Variants in PHF21A observed in about 807,000 individuals in gnomAD.
The protein encoded by PHF21A is BHC80a.
A neutral mutation model predicts 82.5 loss-of-function variants in PHF21A; 11 were observed. That is an observed-to-expected ratio of 0.13 (90% CI 0.08 to 0.22). The LOEUF (loss-of-function observed/expected upper bound fraction) is 0.22, where lower values mean the gene tolerates loss of function less well. Ranked by LOEUF, PHF21A falls within the 10% of genes least tolerant of loss-of-function variation. PHF21A has a pLI of 1.00. For synonymous variants in PHF21A, 297 were observed against 302.8 expected (o/e 0.98, Z 0.20); for missense variants, 579 against 837.8 (o/e 0.69, Z 3.81).
chr11:45,998,875 T>G (rs561167338), intron 6 of PHF21A, among the ~76,000 whole-genome samples: 2 of 151,394 alleles, frequency 1.3e-5, no homozygotes, highest in African/African-American at 4.9e-5. Flanking sequence ...CAGGCTGGAG[T>G]GCAGTGGTGT....
intron 6 of PHF21A, among the ~76,000 whole-genome samples, chr11:46,037,014 A>G (rs2096018691): frequency 6.6e-6 from 1 of 152,048 alleles, no homozygotes. Flanking sequence ...CCTGGCCAGT[A>G]TTTTTCATTT....
At chr11:45,961,354 T>C (rs758708504) in intron 10 of PHF21A, among the ~76,000 whole-genome samples, 3 of 152,194 alleles carry the variant, frequency 2.0e-5, no homozygotes, top group Non-Finnish European at 1.5e-5. Flanking sequence ...CAAGGTTAAA[T>C]AGATTGGGAT....
In PHF21A at chr11:46,106,066, A is replaced by C. The variant is rs545969957; in HGVS notation, c.-236-13843T>G. Among the ~76,000 whole-genome samples, 11 of 152,356 alleles carry C rather than the reference A, an allele frequency of 7.2e-5. No individual in the cohort carries two copies. The South Asian group carries it at 2.1e-3, about 29-fold the overall frequency. Reference sequence around the variant, plus strand: ...AGGTACTGAGAACCTGACACAATGAAAACAGGAACTATTGCAGCTCCCTCC... The same window carrying C: ...AGGTACTGAGAACCTGACACAATGACAACAGGAACTATTGCAGCTCCCTCC... On this transcript the variant is annotated intron_variant, in intron 1 of 18. Transcript: ENST00000676320.
intron 1 of PHF21A, among the ~76,000 whole-genome samples, chr11:46,096,394 AT>A (rs1293367471): frequency 6.6e-6 from 1 of 151,996 alleles, no homozygotes; most frequent in Non-Finnish European, 1.5e-5. Context: ...ACTCCCTCTA[AT>A]TCCTCTCCTC....
chr11:46,020,840 T>C (rs2095613620), intron 6 of PHF21A, among the ~76,000 whole-genome samples: 1 of 152,224 alleles, frequency 6.6e-6, no homozygotes, highest in Non-Finnish European at 1.5e-5. Context: ...TTTACAGTGG[T>C]ACCAAAGCGA....
intron 6 of PHF21A, chr11:46,049,403 C>T (rs1362387796): frequency 1.3e-5 from 6 of 455,490 alleles, no homozygotes; most frequent in Non-Finnish European, 2.6e-5. Context: ...TACATACGTT[C>T]AGTAGGTCAA....
At chr11:45,943,141 G>C (rs1051793516) in intron 15 of PHF21A, among the ~76,000 whole-genome samples, 1 of 15,292 alleles carries the variant, frequency 6.5e-5, no homozygotes, top group Non-Finnish European at 1.4e-4. Context: ...TTTTTTTTTT[G>C]AGACAGGGTC....
chr11:46,015,230 G>T (rs1045456154), intron 6 of PHF21A, among the ~76,000 whole-genome samples: 3 of 152,064 alleles, frequency 2.0e-5, no homozygotes, highest in Non-Finnish European at 4.4e-5. Flanking sequence ...GTTCCTTACA[G>T]ATTCTGGATA....
intron 1 of PHF21A, among the ~76,000 whole-genome samples, chr11:46,103,898 G>A (rs2097126022): frequency 6.6e-6 from 1 of 152,110 alleles, no homozygotes; most frequent in Non-Finnish European, 1.5e-5. Flanking sequence ...TCGTAAGACA[G>A]ATACATATAT....
chr11:45,987,457 C>T (rs529142277), intron 6 of PHF21A, among the ~76,000 whole-genome samples: 2 of 151,448 alleles, frequency 1.3e-5, no homozygotes, highest in East Asian at 3.9e-4. Flanking sequence ...GTCAGGAGTT[C>T]GAGACCAGCC....
intron 6 of PHF21A, among the ~76,000 whole-genome samples, chr11:46,056,906 C>A (rs945704109): frequency 1.3e-5 from 2 of 151,910 alleles, no homozygotes; most frequent in Non-Finnish European, 2.9e-5. Context: ...AAACAGTGGG[C>A]TGAGGTACTT....
chr11:45,994,717 G>A (rs559193599), intron 6 of PHF21A, among the ~76,000 whole-genome samples: 1 of 152,188 alleles, frequency 6.6e-6, no homozygotes, highest in East Asian at 1.9e-4. Flanking sequence ...ACTCTGTGCT[G>A]AGCTGGCAAA....
At chr11:45,954,719 T>A (rs1362410591) in intron 10 of PHF21A, among the ~76,000 whole-genome samples, 1 of 152,132 alleles carries the variant, frequency 6.6e-6, no homozygotes, top group African/African-American at 2.4e-5. Context: ...AAACAGAAAA[T>A]ATCAAACTAT....
chr11:46,043,183 TTAAA>T (rs1440913122), intron 6 of PHF21A, among the ~76,000 whole-genome samples: 13 of 152,144 alleles, frequency 8.5e-5, no homozygotes, highest in Middle Eastern at 3.2e-3. Flanking sequence ...AAAGTACACT[TTAAA>T]TAATAATTAA....
At chr11:45,991,313 A>G (rs1036780189) in intron 6 of PHF21A, among the ~76,000 whole-genome samples, 3 of 152,192 alleles carry the variant, frequency 2.0e-5, no homozygotes, top group African/African-American at 7.2e-5. Context: ...AGTGAATTCT[A>G]TAACTGTTAC....
intron 6 of PHF21A, among the ~76,000 whole-genome samples, chr11:46,066,643 G>T (rs893356009): frequency 6.6e-6 from 1 of 152,132 alleles, no homozygotes; most frequent in Admixed American, 6.5e-5. Flanking sequence ...AGACTCCAGC[G>T]AGCTATGATT....
intron 6 of PHF21A, among the ~76,000 whole-genome samples, chr11:45,987,761 T>C (rs550906363): frequency 6.9e-6 from 1 of 144,044 alleles, no homozygotes; most frequent in Non-Finnish European, 1.5e-5. Flanking sequence ...TAAGCTCCAA[T>C]AGAGCAAAAC....
intron 1 of PHF21A, among the ~76,000 whole-genome samples, chr11:46,113,622 G>A (rs771491417): frequency 6.6e-6 from 1 of 152,106 alleles, no homozygotes. Flanking sequence ...GAGATCAAGA[G>A]ATCGAGACCA....
chr11:45,966,270 C>G (rs2093428540), intron 9 of PHF21A, among the ~76,000 whole-genome samples: 1 of 152,180 alleles, frequency 6.6e-6, no homozygotes, highest in Non-Finnish European at 1.5e-5. Flanking sequence ...CTCAAAAGTT[C>G]AAAATCAACA....
Sources: gnomAD v4.1 joint callset for allele counts (sites outside exome capture counted in the v4.1 genomes callset) on GRCh38, gnomAD v4.1.1 for gene constraint, MANE v1.5 for transcripts, NCBI Gene and HGNC (gene_info 2026-07-23, HGNC 2026-07-21) for gene names.